Variants in CPM observed in about 807,000 individuals in gnomAD.
CPM encodes carboxypeptidase M.
CPM carries 35 observed loss-of-function variants against 46.4 expected under a neutral mutation model. The observed-to-expected ratio is 0.75, with a 90% CI of 0.58 to 1.00. The LOEUF (loss-of-function observed/expected upper bound fraction) is 1.00. Among genes scored for constraint, CPM ranks in the 50% least tolerant of loss-of-function variants. The pLI, the probability that CPM is intolerant of heterozygous loss-of-function variation, is 0.00. For synonymous variants in CPM, 195 were observed against 195.3 expected, an observed-to-expected ratio of 1.00 and a Z score of 0.01; for missense variants, 422 against 530.4, an observed-to-expected ratio of 0.80 and a Z score of 2.01.
intron 6 of CPM, 143 bp from the exon 7 acceptor site, chr12:68,867,191 C>A: frequency 2.5e-6 from 2 of 801,266 alleles, no homozygotes; most frequent in South Asian, 1.6e-5. Flanking sequence ...AAAATCAGGG[C>A]TTGACATTCT....
At chr12:68,909,622 G>A (rs1681054373) in intron 2 of CPM, among the ~76,000 whole-genome samples, 1 of 152,104 alleles carries the variant, frequency 6.6e-6, no homozygotes, top group African/African-American at 2.4e-5. Flanking sequence ...TTAAGAAAAT[G>A]TGGCACATAT....
intron 1 of CPM, among the ~76,000 whole-genome samples, chr12:68,948,325 G>C (rs959212299): frequency 6.6e-6 from 1 of 152,162 alleles, no homozygotes; most frequent in South Asian, 2.1e-4. Flanking sequence ...GAGGAAGATG[G>C]AAGAGAGATG....
intron 2 of CPM, among the ~76,000 whole-genome samples, chr12:68,907,814 G>A (rs901697577): frequency 5.6e-5 from 8 of 143,670 alleles, no homozygotes; most frequent in Non-Finnish European, 1.3e-4. Context: ...CCAGGGCTGG[G>A]TTGGTTATTT....
intron 1 of CPM, among the ~76,000 whole-genome samples, chr12:68,953,001 T>C (rs1888958898): frequency 6.6e-6 from 1 of 152,134 alleles, no homozygotes; most frequent in Non-Finnish European, 1.5e-5. Flanking sequence ...GATATTTTCA[T>C]CCAAAATTTA....
intron 2 of CPM, among the ~76,000 whole-genome samples, chr12:68,921,432 G>A (rs753736310): frequency 5.9e-5 from 9 of 152,128 alleles, no homozygotes; most frequent in Non-Finnish European, 8.8e-5. Context: ...GTGAACCACC[G>A]CAACCAGCCT....
In CPM at chr12:68,871,798, A is replaced by G. The variant is rs2228654; in HGVS notation, c.417T>C (p.Tyr139=). Residue 139 remains tyrosine (Y), a synonymous_variant, in exon 4 of 9, where the codon TAT becomes TAC. Coordinates refer to ENST00000551568, the MANE Select transcript of CPM (RefSeq NM_198320.5). ...GFEAVKKPDC[Y]YSIGRENYNQ... The stretch of plus-strand genomic sequence containing the variant: ...CCCCTCTTTACCTTCCGATGCTGTA[A>G]TAACAGTCAGGCTTTTTGACGGCTT... 0.56 allele frequency: 905,947 copies of G among 1,613,614 alleles called. 257,182 individuals are homozygous for G. Among genetic ancestry groups the G allele is most frequent in the Non-Finnish European group, 0.58 (684,497 of 1,179,782 alleles).
chr12:68,847,794 G>A (rs1884436905), downstream of CPM: 1 of 152,180 alleles, frequency 6.6e-6, no homozygotes, highest in South Asian at 2.1e-4. Context: ...TGTGTATACA[G>A]TAGTAAAGGA....
chr12:68,904,467 T>C (rs549653984), intron 2 of CPM, among the ~76,000 whole-genome samples: 11 of 152,354 alleles, frequency 7.2e-5, no homozygotes, highest in Admixed American at 2.0e-4. Flanking sequence ...CTGAAGTTAC[T>C]TCATTTTACC....
intron 2 of CPM, among the ~76,000 whole-genome samples, chr12:68,905,065 C>A (rs1165310692): frequency 6.6e-6 from 1 of 151,898 alleles, no homozygotes; most frequent in African/African-American, 2.4e-5. Context: ...TGCACCACCA[C>A]GCCTGGCTAA....
At chr12:68,888,507 C>T (rs901462625) in intron 2 of CPM, among the ~76,000 whole-genome samples, 1 of 152,146 alleles carries the variant, frequency 6.6e-6, no homozygotes, top group Non-Finnish European at 1.5e-5. Flanking sequence ...TTTTAACTGC[C>T]CTCTCCAGCT....
chr12:68,858,896 T>A, intron 8 of CPM, 27 bp downstream of exon 8: 1 of 1,347,328 alleles, frequency 7.4e-7, no homozygotes, highest in Non-Finnish European at 9.8e-7. Context: ...AATATTTTAA[T>A]AACAATAACT....
chr12:68,876,438 T>C (rs1044134846), intron 3 of CPM, among the ~76,000 whole-genome samples: 3 of 152,228 alleles, frequency 2.0e-5, no homozygotes, highest in Non-Finnish European at 4.4e-5. Context: ...CAAACACTCA[T>C]TCATGTTTTA....
At chr12:68,937,210 GT>G (rs1888686756), upstream of CPM, among the ~76,000 whole-genome samples, 1 of 152,208 alleles carries the variant, frequency 6.6e-6, no homozygotes, top group Non-Finnish European at 1.5e-5. Flanking sequence ...GATGTGTTGA[GT>G]TTGTATATGT....
At chr12:68,890,580 C>G (rs1202611146) in intron 2 of CPM, among the ~76,000 whole-genome samples, 1 of 151,206 alleles carries the variant, frequency 6.6e-6, no homozygotes, top group African/African-American at 2.4e-5. Context: ...TCTAAGGCTG[C>G]CTCAATGTCC....
At chr12:68,945,252 C>T (rs546210663) in intron 1 of CPM, among the ~76,000 whole-genome samples, 6 of 152,166 alleles carry the variant, frequency 3.9e-5, no homozygotes, top group Non-Finnish European at 8.8e-5. Flanking sequence ...CTGTTATCAT[C>T]CTTGCTTCCA....
intron 5 of CPM, chr12:68,845,519 T>G: frequency 1.5e-5 from 3 of 194,810 alleles, no homozygotes. Flanking sequence ...AATAGTATTT[T>G]GAATGAAAAC....
In CPM at chr12:68,855,734, T is replaced by C. The variant is rs1221777428; in HGVS notation, c.*703A>G. 6.9e-6 allele frequency: 1 copy of C among 145,394 alleles called. No individual in the cohort carries two copies. Among genetic ancestry groups the C allele is most frequent in the Non-Finnish European group, 1.5e-5 (1 of 67,986 alleles). The allele number at this position is 145,394 out of a possible 1,614,324, so 9.0% of individuals were successfully genotyped here. ...CATGGTGAGGTGTTTTTTTTGTTTG[T>C]TTGTTTTTGTTTTTTTTTTTTTGAG... On this transcript the variant is annotated 3_prime_UTR_variant, in exon 9 of 9. Transcript: ENST00000551568.
In CPM at chr12:68,869,602, T is replaced by C. The variant is rs527293872; in HGVS notation, c.617-107A>G. Reference sequence around the variant, plus strand: ...ATCGCATCACACACACATGCTCTAATTTCCCTAGAGAGAAATCCTTCATCC... The same window carrying C: ...ATCGCATCACACACACATGCTCTAACTTCCCTAGAGAGAAATCCTTCATCC... On this transcript the variant is annotated intron_variant, in intron 5 of 8. Transcript: ENST00000551568. 7.8e-5 allele frequency: 78 copies of C among 1,001,228 alleles called. No individual in the cohort carries two copies. The African/African-American group carries it at 1.1e-3, about 14-fold the overall frequency. 62.0% of individuals were successfully genotyped at this position (1,001,228 alleles called of 1,614,324 possible). A position where few individuals can be genotyped will look rare whatever the true frequency, so the allele number is the denominator to read the frequency against.
At chr12:68,856,719 A>G (rs1023424480) in intron 8 of CPM, 40 bp from the exon 9 acceptor site, 1 of 1,601,526 alleles carries the variant, frequency 6.2e-7, no homozygotes, top group African/African-American at 1.3e-5. Flanking sequence ...GTGACTTAAG[A>G]TGGTTCGTGG....
Sources: gnomAD v4.1 joint callset for allele counts (sites outside exome capture counted in the v4.1 genomes callset) on GRCh38, gnomAD v4.1.1 for gene constraint, MANE v1.5 for transcripts, NCBI Gene and HGNC (gene_info 2026-07-23, HGNC 2026-07-21) for gene names.